Variants in NPAS3 observed in about 807,000 individuals in gnomAD.
NPAS3 encodes the protein neuronal PAS domain-containing protein 3.
Under a neutral mutation model 73.1 loss-of-function variants are expected in NPAS3, and 14 were observed. The observed-to-expected ratio is 0.19, with a 90% CI of 0.13 to 0.30. The LOEUF (loss-of-function observed/expected upper bound fraction) is 0.30. Among genes scored for constraint, NPAS3 ranks in the 10% least tolerant of loss-of-function variants. The pLI is 1.00. For synonymous variants in NPAS3, 620 were observed against 541.5 expected, an observed-to-expected ratio of 1.14 and a Z score of -2.01; for missense variants, 1,096 against 1,250.0, an observed-to-expected ratio of 0.88 and a Z score of 1.86.
At chr14:33,499,128 CTA>C (rs2052388975) in intron 4 of NPAS3, among the ~76,000 whole-genome samples, 1 of 151,730 alleles carries the variant, frequency 6.6e-6, no homozygotes, top group South Asian at 2.1e-4. Flanking sequence ...AAACAAGTGA[CTA>C]TAAATTAGTT....
intron 2 of NPAS3, among the ~76,000 whole-genome samples, chr14:33,192,901 CTG>C (rs1215102850): frequency 6.6e-6 from 1 of 152,154 alleles, no homozygotes; most frequent in Non-Finnish European, 1.5e-5. Flanking sequence ...GTGGCACCTT[CTG>C]TGTTTTACAT....
intron 5 of NPAS3, among the ~76,000 whole-genome samples, chr14:33,606,901 T>G (rs1255526846): frequency 1.3e-5 from 2 of 152,112 alleles, no homozygotes; most frequent in South Asian, 2.1e-4. Context: ...AAAAAAAAAT[T>G]TAATGGGCAA....
chr14:33,271,181 A>G (rs2041060128), intron 3 of NPAS3, among the ~76,000 whole-genome samples: 1 of 152,206 alleles, frequency 6.6e-6, no homozygotes, highest in Admixed American at 6.5e-5. Flanking sequence ...GAAACCCAGC[A>G]AGGCCTCTCT....
At chr14:33,231,198 A>T (rs992235484) in intron 3 of NPAS3, among the ~76,000 whole-genome samples, 3 of 152,262 alleles carry the variant, frequency 2.0e-5, no homozygotes, top group African/African-American at 7.2e-5. Flanking sequence ...ATAAGTTCAT[A>T]AAAATCACAG....
At chr14:33,386,644 A>G (rs2046787091) in intron 4 of NPAS3, among the ~76,000 whole-genome samples, 1 of 152,122 alleles carries the variant, frequency 6.6e-6, no homozygotes, top group Non-Finnish European at 1.5e-5. Flanking sequence ...TTGGGAACCC[A>G]TTTATCAACA....
At chr14:33,444,154 A>G (rs1378716078) in intron 4 of NPAS3, among the ~76,000 whole-genome samples, 1 of 152,176 alleles carries the variant, frequency 6.6e-6, no homozygotes, top group African/African-American at 2.4e-5. Context: ...TCTGTTCACT[A>G]TGCATTAAGA....
chr14:33,507,012 T>C (rs1236086536), intron 4 of NPAS3, among the ~76,000 whole-genome samples: 3 of 133,934 alleles, frequency 2.2e-5, no homozygotes, highest in East Asian at 4.0e-4. Context: ...TAAACTCAGA[T>C]TGGAAAAAAA....
At chr14:32,999,567 A>C (rs2038728038) in intron 1 of NPAS3, among the ~76,000 whole-genome samples, 1 of 152,070 alleles carries the variant, frequency 6.6e-6, no homozygotes, top group African/African-American at 2.4e-5. Flanking sequence ...TTTCTAAATG[A>C]TTACCCAGTC....
At chr14:33,612,305 T>C (rs1337616808) in intron 5 of NPAS3, 1 of 431,354 alleles carries the variant, frequency 2.3e-6, no homozygotes, top group African/African-American at 2.0e-5. Flanking sequence ...ACATTTGCGC[T>C]CAAAGTGTTT....
At chr14:33,801,639 C>T (rs1295393668), downstream of NPAS3, 2 of 152,106 alleles carry the variant, frequency 1.3e-5, no homozygotes, top group East Asian at 1.9e-4. Context: ...GAATTTAATT[C>T]TCTTTTTACG....
At chr14:32,939,480 C>T (rs563262065) in intron 1 of NPAS3, 114 bp downstream of exon 1, 354 of 254,728 alleles carry the variant, frequency 1.4e-3, no homozygotes, top group African/African-American at 7.9e-3. Flanking sequence ...CGCGAGCCCG[C>T]GGGGACCTCG....
At chr14:33,515,043 C>T (rs1156943280) in intron 4 of NPAS3, among the ~76,000 whole-genome samples, 6 of 152,076 alleles carry the variant, frequency 3.9e-5, no homozygotes, top group South Asian at 2.1e-4. Context: ...TGTTACACAG[C>T]GAATCTGTGA....
intron 5 of NPAS3, among the ~76,000 whole-genome samples, chr14:33,575,536 G>A (rs1282892899): frequency 6.6e-6 from 1 of 152,088 alleles, no homozygotes; most frequent in African/African-American, 2.4e-5. Context: ...CCTCATTTGT[G>A]TCTTTGTACT....
chr14:33,772,465 ATGTTT>A (rs1191753742), intron 7 of NPAS3, among the ~76,000 whole-genome samples: 1 of 152,160 alleles, frequency 6.6e-6, no homozygotes, highest in Non-Finnish European at 1.5e-5. Context: ...CCTTCCCCAA[ATGTTT>A]TCCAACCCAG....
At chr14:33,523,964 T>C (rs2053676347) in intron 4 of NPAS3, among the ~76,000 whole-genome samples, 1 of 152,190 alleles carries the variant, frequency 6.6e-6, no homozygotes, top group South Asian at 2.1e-4. Flanking sequence ...CGGATGCTAT[T>C]GTGTCCCCAT....
At chr14:33,723,626 C>T (rs189913532) in intron 6 of NPAS3, among the ~76,000 whole-genome samples, 6 of 152,012 alleles carry the variant, frequency 3.9e-5, no homozygotes, top group Admixed American at 2.0e-4. Context: ...CTGAATGTCC[C>T]TGTATGAAGG....
downstream of NPAS3, chr14:33,801,477 T>C (rs2063713165): frequency 3.7e-6 from 1 of 272,748 alleles, no homozygotes; most frequent in Non-Finnish European, 7.0e-6. Flanking sequence ...CATTGGGGTT[T>C]CTTCATAAAG....
chr14:33,129,796 T>A (rs2043566780), intron 2 of NPAS3, among the ~76,000 whole-genome samples: 2 of 152,286 alleles, frequency 1.3e-5, no homozygotes, highest in South Asian at 4.1e-4. Flanking sequence ...TATTAGTTAC[T>A]TTGTTTGCTA....
intron 1 of NPAS3, among the ~76,000 whole-genome samples, chr14:33,016,164 A>G (rs772647623): frequency 6.6e-6 from 1 of 152,136 alleles, no homozygotes; most frequent in Non-Finnish European, 1.5e-5. Context: ...ACTTAATTCT[A>G]AATTAAGGGA....
Sources: gnomAD v4.1 joint callset for allele counts (sites outside exome capture counted in the v4.1 genomes callset) on GRCh38, gnomAD v4.1.1 for gene constraint, MANE v1.5 for transcripts, NCBI Gene and HGNC (gene_info 2026-07-23, HGNC 2026-07-21) for gene names.